ZNF544: variants seen among roughly 807,000 people sequenced by gnomAD.
The protein encoded by ZNF544 is zinc finger protein 544.
A neutral mutation model predicts 13.5 loss-of-function variants in ZNF544; 10 were observed. The observed-to-expected ratio is 0.74, with a 90% confidence interval of 0.46 to 1.25. The LOEUF (loss-of-function observed/expected upper bound fraction) is 1.25. ZNF544 is among the 50% of genes most tolerant of loss of function. The pLI is 0.00. For synonymous variants in ZNF544, 323 were observed against 300.5 expected, an observed-to-expected ratio of 1.07 and a Z score of -0.77; for missense variants, 896 against 845.6, an observed-to-expected ratio of 1.06 and a Z score of -0.74.
intron 1 of ZNF544, 66 bp downstream of exon 1, chr19:58,229,012 G>A (rs891345343): frequency 6.6e-6 from 1 of 152,446 alleles, no homozygotes; most frequent in African/African-American, 2.4e-5. Context: ...CCGGAGCGCA[G>A]GACCAGGCCA....
At chr19:58,257,801 G>T (rs2047857790) in intron 6 of ZNF544, 1 of 152,202 alleles carries the variant, frequency 6.6e-6, no homozygotes, top group Non-Finnish European at 1.5e-5. Flanking sequence ...CATTCACTAC[G>T]TAGCCTTTTC....
chr19:58,263,019 C>A lies in ZNF544; in HGVS notation c.*265C>A, dbSNP rs1044832624. The A allele has an allele frequency of 4.9e-6, 6 of 1,222,558 alleles. No homozygotes were observed. Among genetic ancestry groups the A allele is most frequent in the African/African-American group, 1.5e-5 (1 of 64,932 alleles). The allele number at this position is 1,222,558 out of a possible 1,614,324, so 75.7% of individuals were successfully genotyped here. A position where few individuals can be genotyped will look rare whatever the true frequency, so the allele number is the denominator to read the frequency against. On this transcript the variant is annotated 3_prime_UTR_variant, in exon 7 of 7. Coordinates refer to ENST00000687789, the MANE Select transcript of ZNF544 (RefSeq NM_014480.4). ...TATGAATGTGACCATTGCGAGAAAG[C>A]CTTTAGCCAACGGTGTCAACTTACT...
At chr19:58,237,382 A>C (rs2042635805) in intron 3 of ZNF544, among the ~76,000 whole-genome samples, 1 of 152,132 alleles carries the variant, frequency 6.6e-6, no homozygotes, top group African/African-American at 2.4e-5. Flanking sequence ...TCTTAAGCCA[A>C]CAATTTTGTG....
intron 5 of ZNF544, among the ~76,000 whole-genome samples, chr19:58,274,681 A>G (rs576763850): frequency 2.4e-4 from 37 of 152,360 alleles, no homozygotes; most frequent in African/African-American, 8.7e-4. Flanking sequence ...TACGAAAAAC[A>G]GCATTTTCCA....
Position 58,261,655 on chromosome 19 carries a change from C to CG in ZNF544, c.1049_1050insG (p.Glu351ArgfsTer7), listed in dbSNP as rs1217296247. 3 of 1,614,110 alleles carry CG rather than the reference C, an allele frequency of 1.9e-6. No individual in the cohort carries two copies. In the Admixed American group the frequency reaches 5.0e-5, roughly 27 times the overall value. On this transcript the variant is annotated frameshift_variant, in exon 7 of 7. Transcript: ENST00000687789. LOFTEE classifies it low-confidence loss of function (END_TRUNC). Reference sequence around the variant, plus strand: ...TCTGACTGTAACATCATTCAGACTACAGAGAAGCCATCTGTGTGTAATCAG... The same window carrying CG: ...TCTGACTGTAACATCATTCAGACTACGAGAGAAGCCATCTGTGTGTAATCAG...
chr19:58,274,133 G>C (rs1600440298), intron 5 of ZNF544, among the ~76,000 whole-genome samples: 1 of 151,638 alleles, frequency 6.6e-6, no homozygotes, highest in East Asian at 1.9e-4. Context: ...ATCAATATTT[G>C]GTGTATTAGG....
chr19:58,261,159 C>G lies in ZNF544; in HGVS notation c.553C>G (p.Pro185Ala). Reference sequence around the variant, plus strand: ...AACATTACCTACAAGTACAGGTTTCCCTAAGCCCAACTCACAAGTTAAAGA... The same window carrying G: ...AACATTACCTACAAGTACAGGTTTCGCTAAGCCCAACTCACAAGTTAAAGA... ...PTTLPTSTGFPKPNSQVKELK... is the reference protein window; with the variant it reads ...PTTLPTSTGFAKPNSQVKELK... The change falls in exon 7 of 7, where the codon CCT becomes GCT. Residue 185 changes from proline to alanine, a missense_variant. By Grantham distance (27) the Pro-to-Ala change is conservative (BLOSUM62 -1). Coordinates refer to ENST00000687789, the MANE Select transcript of ZNF544 (RefSeq NM_014480.4). 1 of 1,614,114 alleles carries G rather than the reference C, an allele frequency of 6.2e-7. No individual in the cohort carries two copies. Among genetic ancestry groups the G allele is most frequent in the Non-Finnish European group, 8.5e-7 (1 of 1,180,024 alleles).
intron 3 of ZNF544, among the ~76,000 whole-genome samples, chr19:58,238,089 C>T (rs903806643): frequency 6.6e-6 from 1 of 152,186 alleles, no homozygotes; most frequent in East Asian, 1.9e-4. Flanking sequence ...TGCACCACCA[C>T]GCCCGGCTAA....
rs2049154342 is a variant in ZNF544 at position 58,262,365 on chromosome 19, C to G, written c.1759C>G (p.Gln587Glu). ...CACTCACTGTGGAAAGTCCTTCAGC[C>G]AAAGCTATCAGTTAGTTGCACATAA... ...DCTHCGKSFS[Q>E]SYQLVAHKRT... The change falls in exon 7 of 7, where the codon CAA (glutamine) becomes GAA (glutamate). Residue 587 changes from glutamine to glutamate, a missense_variant. Physicochemically the swap from Gln to Glu is conservative, Grantham distance 29. Transcript: ENST00000687789. 1.9e-6 allele frequency: 3 copies of G among 1,614,022 alleles called. No homozygotes were observed.
intron 4 of ZNF544, among the ~76,000 whole-genome samples, chr19:58,244,371 GACAGCC>G (rs1212514050): frequency 1.3e-5 from 2 of 151,720 alleles, no homozygotes; most frequent in African/African-American, 2.4e-5. Context: ...CCCACACCCC[GACAGCC>G]ACACTGGGCC....
intron 6 of ZNF544, among the ~76,000 whole-genome samples, 191 bp downstream of exon 6, chr19:58,246,985 C>T (rs2045364727): frequency 1.3e-5 from 2 of 152,186 alleles, no homozygotes; most frequent in African/African-American, 4.8e-5. Context: ...CAGTGTCTTC[C>T]CTGAGTGTGG....
At chr19:58,273,621 T>G (rs1203496023) in intron 5 of ZNF544, among the ~76,000 whole-genome samples, 1 of 136,546 alleles carries the variant, frequency 7.3e-6, no homozygotes, top group African/African-American at 2.8e-5. Context: ...ACCCGGGAGG[T>G]GGAGATTGCA....
intron 3 of ZNF544, among the ~76,000 whole-genome samples, chr19:58,240,740 C>T (rs997956765): frequency 6.6e-6 from 1 of 150,700 alleles, no homozygotes; most frequent in African/African-American, 2.4e-5. Flanking sequence ...CCAGCCTGGG[C>T]AACAGAGTGA....
intron 4 of ZNF544, 140 bp downstream of exon 4, chr19:58,244,196 T>G: frequency 1.5e-6 from 1 of 656,512 alleles, no homozygotes; most frequent in South Asian, 2.4e-5. Context: ...ATGCTCCAGC[T>G]CCCTGCAGTA....
chr19:58,253,883 C>T (rs1257009980), intron 6 of ZNF544, among the ~76,000 whole-genome samples: 5 of 152,194 alleles, frequency 3.3e-5, no homozygotes, highest in African/African-American at 1.2e-4. Flanking sequence ...TATATGTTGA[C>T]AATTCTGAAG....
chr19:58,265,080 C>T (rs1355056480), downstream of ZNF544, among the ~76,000 whole-genome samples: 1 of 152,054 alleles, frequency 6.6e-6, no homozygotes, highest in Non-Finnish European at 1.5e-5. Context: ...CTTTGTTGCT[C>T]AGTTGGTTTG....
At chr19:58,268,798 AAATAACT>A (rs1223339762), downstream of ZNF544, among the ~76,000 whole-genome samples, 1 of 152,248 alleles carries the variant, frequency 6.6e-6, no homozygotes, top group African/African-American at 2.4e-5. Context: ...TGTCCAGCAC[AAATAACT>A]TGGTTAAGGT....
chr19:58,243,546 A>G (rs1190183379), intron 3 of ZNF544, among the ~76,000 whole-genome samples: 1 of 151,866 alleles, frequency 6.6e-6, no homozygotes, highest in Non-Finnish European at 1.5e-5. Flanking sequence ...CCCCTCCCAG[A>G]GCCGAGGGAA....
intron 6 of ZNF544, 79 bp downstream of exon 6, chr19:58,246,873 A>AGTCTCATTGGTTGC: frequency 7.1e-7 from 1 of 1,417,474 alleles, no homozygotes; most frequent in Non-Finnish European, 9.8e-7. Context: ...CCCAGGGGCC[A>AGTCTCATTGGTTGC]AGGAGGGAGC....
Sources: gnomAD v4.1 joint callset for allele counts (sites outside exome capture counted in the v4.1 genomes callset) on GRCh38, gnomAD v4.1.1 for gene constraint, MANE v1.5 for transcripts, NCBI Gene and HGNC (gene_info 2026-07-23, HGNC 2026-07-21) for gene names.